The following ADIPOR2 variants were observed in gnomAD, a reference collection of about 807,000 sequenced individuals.
ADIPOR2 encodes the protein adiponectin receptor 2.
ADIPOR2 carries 18 observed loss-of-function variants against 40.9 expected under a neutral mutation model. The ratio of observed to expected loss-of-function variants is 0.44; its 90% CI spans 0.30 to 0.65. The LOEUF (loss-of-function observed/expected upper bound fraction) is 0.65. Ranked by LOEUF, ADIPOR2 falls within the 30% of genes least tolerant of loss-of-function variation. ADIPOR2 has a pLI of 0.09. For synonymous variants in ADIPOR2, 165 were observed against 166.4 expected (o/e 0.99, Z 0.06); for missense variants, 283 against 479.2 (o/e 0.59, Z 3.82).
At chr12:1,781,180 G>T in intron 6 of ADIPOR2, 104 bp downstream of exon 6, 1 of 1,217,624 alleles carries the variant, frequency 8.2e-7, no homozygotes, top group Non-Finnish European at 1.1e-6. Context: ...CTGTGTATTT[G>T]TGATGCCAAG....
chr12:1,755,362 G>A (rs1456682897), intron 2 of ADIPOR2, among the ~76,000 whole-genome samples: 2 of 152,238 alleles, frequency 1.3e-5, no homozygotes, highest in African/African-American at 2.4e-5. Flanking sequence ...AGACGTGAAC[G>A]ACTGCGCCCG....
At chr12:1,749,954 A>G (rs928030648) in intron 1 of ADIPOR2, among the ~76,000 whole-genome samples, 7 of 150,188 alleles carry the variant, frequency 4.7e-5, no homozygotes, top group Admixed American at 3.4e-4. Context: ...CTCTCACCAC[A>G]TTCTCTTCAG....
At chr12:1,748,768 A>G (rs903702618) in intron 1 of ADIPOR2, among the ~76,000 whole-genome samples, 6 of 151,926 alleles carry the variant, frequency 3.9e-5, no homozygotes, top group Non-Finnish European at 7.4e-5. Context: ...TTTTTCCTCT[A>G]CTGTCATACC....
intron 1 of ADIPOR2, among the ~76,000 whole-genome samples, chr12:1,722,341 A>G (rs1005622547): frequency 2.0e-5 from 3 of 152,172 alleles, no homozygotes; most frequent in Non-Finnish European, 2.9e-5. Context: ...TGGTGGGACA[A>G]TCATGAGTTC....
At chr12:1,695,631 C>G (rs888104109) in intron 1 of ADIPOR2, among the ~76,000 whole-genome samples, 3 of 140,878 alleles carry the variant, frequency 2.1e-5, no homozygotes, top group African/African-American at 7.9e-5. Flanking sequence ...CCACTGCGCT[C>G]TAGCCTGGGC....
chr12:1,735,809 TG>T (rs1479985771), intron 1 of ADIPOR2, among the ~76,000 whole-genome samples: 1 of 152,236 alleles, frequency 6.6e-6, no homozygotes, highest in East Asian at 1.9e-4. Context: ...CATGAAGCAT[TG>T]TTGAATTTTG....
intron 1 of ADIPOR2, among the ~76,000 whole-genome samples, chr12:1,707,674 G>A (rs1048305579): frequency 6.6e-6 from 1 of 152,046 alleles, no homozygotes; most frequent in East Asian, 1.9e-4. Context: ...AGATCTTGCT[G>A]TGTGCCCAGG....
At chr12:1,743,051 A>G (rs1279697926) in intron 1 of ADIPOR2, among the ~76,000 whole-genome samples, 1 of 152,110 alleles carries the variant, frequency 6.6e-6, no homozygotes, top group African/African-American at 2.4e-5. Context: ...TTTGCAAACT[A>G]TAGCTCTTGG....
chr12:1,713,026 A>G (rs763931988), intron 1 of ADIPOR2, among the ~76,000 whole-genome samples: 23 of 152,064 alleles, frequency 1.5e-4, no homozygotes, highest in Non-Finnish European at 2.9e-4. Flanking sequence ...AAACTGAAGG[A>G]CCAGAGTGCC....
rs763139134 is a variant in ADIPOR2, at chr12:1,788,607, G to A, written c.*2535G>A. 4.6e-5 allele frequency: 7 copies of A among 152,538 alleles called. No individual in the cohort carries two copies. Among genetic ancestry groups the A allele is most frequent in the Non-Finnish European group, 2.9e-5 (2 of 68,028 alleles). The allele number at this position is 152,538 out of a possible 1,614,324, so 9.4% of individuals were successfully genotyped here. A position where few individuals can be genotyped will look rare whatever the true frequency, so the allele number is the denominator to read the frequency against. On this transcript the variant is annotated 3_prime_UTR_variant, in exon 8 of 8. Coordinates refer to ENST00000357103, the MANE Select transcript of ADIPOR2 (RefSeq NM_024551.3). ...GGTTCCAGAAAGGCATCTGTGTGAT[G>A]GTTCCATTGATGTGGGATTTCCCTA... is the stretch of plus-strand genomic sequence containing the variant.
rs1412497123 is a variant in ADIPOR2, at chr12:1,783,929, T to C, written c.888T>C (p.Tyr296=). 6.2e-7 allele frequency: 1 copy of C among 1,613,732 alleles called. No individual in the cohort carries two copies. The highest frequency in any genetic ancestry group is 1.7e-5 in the Admixed American group (1 of 59,966). Residue 296 remains tyrosine, a synonymous_variant, in exon 7 of 8, where the codon TAT becomes TAC. Transcript: ENST00000357103. The part of the protein sequence containing the change: ...GLSGIIPTLH[Y]VISEGFLKAA... ...GTGGAATCATTCCTACCTTGCACTATGTCATCTCGGAGGGGTTCCTTAAGG... is the reference window on the plus strand; with the variant it reads ...GTGGAATCATTCCTACCTTGCACTACGTCATCTCGGAGGGGTTCCTTAAGG...
chr12:1,691,259 A>C (rs2094626189), intron 1 of ADIPOR2, 68 bp downstream of exon 1: 1 of 152,356 alleles, frequency 6.6e-6, no homozygotes, highest in Non-Finnish European at 1.5e-5. Context: ...GCGCAGAGGG[A>C]GAGCTTGGGG....
At chr12:1,762,453 G>A (rs1862290161) in intron 2 of ADIPOR2, among the ~76,000 whole-genome samples, 1 of 151,976 alleles carries the variant, frequency 6.6e-6, no homozygotes, top group African/African-American at 2.4e-5. Flanking sequence ...TCTTTGAGTG[G>A]CATATAACAA....
rs1425568699 is a variant in ADIPOR2 at position 1,777,398 on chromosome 12, T to C, written c.292-456T>C. On this transcript the variant is annotated intron_variant, in intron 3 of 7. Transcript: ENST00000357103. ...TTTTTCTTTCTTTTTTTTTTTTTTT[T>C]TTTTTGAGGCAGAGTTTTGCTCTTG... Among the ~76,000 whole-genome samples the C allele has an allele frequency of 2.7e-5, 4 of 148,198 alleles. No individual in the cohort carries two copies. In the South Asian group the frequency reaches 8.7e-4, roughly 32 times the overall value.
At chr12:1,743,505 T>C (rs573545647) in intron 1 of ADIPOR2, among the ~76,000 whole-genome samples, 2 of 152,076 alleles carry the variant, frequency 1.3e-5, no homozygotes, top group South Asian at 4.2e-4. Context: ...ACTCCAGTGC[T>C]ACAAAAAATT....
At chr12:1,713,320 C>G (rs536805439) in intron 1 of ADIPOR2, among the ~76,000 whole-genome samples, 4 of 152,240 alleles carry the variant, frequency 2.6e-5, no homozygotes, top group African/African-American at 9.6e-5. Context: ...ATTGATGAGT[C>G]TAAGATCTTG....
chr12:1,716,267 T>C (rs1205173367), intron 1 of ADIPOR2, among the ~76,000 whole-genome samples: 1 of 152,238 alleles, frequency 6.6e-6, no homozygotes, highest in Non-Finnish European at 1.5e-5. Context: ...CAGGCATTTG[T>C]CTATTAAAAA....
chr12:1,734,139 C>T (rs1230276370), intron 1 of ADIPOR2, among the ~76,000 whole-genome samples: 1 of 152,274 alleles, frequency 6.6e-6, no homozygotes, highest in Non-Finnish European at 1.5e-5. Flanking sequence ...AATGGGATGG[C>T]TGGGTCAAAT....
chr12:1,721,176 C>T lies in ADIPOR2; in HGVS notation c.-87+29985C>T, dbSNP rs947757122. On this transcript the variant is annotated intron_variant, in intron 1 of 7. Coordinates refer to ENST00000357103, the MANE Select transcript of ADIPOR2 (RefSeq NM_024551.3). ...ACTTCCTGAGGCTGTGTCATGGGAG[C>T]GTCCTCAACCTAGGCAAAATAAAAT... Among the ~76,000 whole-genome samples, 7 of 146,416 alleles carry T rather than the reference C, an allele frequency of 4.8e-5. No individual in the cohort carries two copies. The East Asian group carries it at 6.0e-4, about 13-fold the overall frequency.
Sources: allele counts gnomAD v4.1 joint callset (sites outside exome capture counted in the v4.1 genomes callset), GRCh38; gene constraint gnomAD v4.1.1; transcripts MANE v1.5; gene names NCBI Gene and HGNC (gene_info 2026-07-23, HGNC 2026-07-21).